Variants in SLC3A1 observed in about 807,000 individuals in gnomAD.
SLC3A1 encodes the protein solute carrier family 3 member 1.
Under a neutral mutation model 60.3 loss-of-function variants are expected in SLC3A1, and 78 were observed. The observed-to-expected ratio is 1.29, with a 90% CI of 1.08 to 1.56. SLC3A1 has a LOEUF of 1.56. Ranked by LOEUF, SLC3A1 falls within the 40% of genes most tolerant of loss-of-function variation. SLC3A1 has a pLI of 0.00. For synonymous variants in SLC3A1, 392 were observed against 307.9 expected (o/e 1.27, Z -2.86); for missense variants, 1,172 against 858.9 (o/e 1.36, Z -4.56).
chr2:44,281,456 G>T lies in SLC3A1; in HGVS notation c.680G>T (p.Arg227Leu). The change falls in exon 3 of 10, where the codon CGG (arginine) becomes CTG (leucine). Residue 227 changes from arginine (R) to leucine (L), a missense_variant. By Grantham distance (102) the Arg-to-Leu change is moderately radical. Coordinates refer to ENST00000260649, the MANE Select transcript of SLC3A1 (RefSeq NM_000341.4). ...SDKHIWFQLS[R>L]TRTGKYTDYY... is the part of the protein sequence containing the mutation. ...AAACATATTTGGTTTCAATTGAGTC[G>T]GACACGGACAGGAAAATATACTGAT... 6.2e-6 allele frequency: 10 copies of T among 1,613,480 alleles called. No individual in the cohort carries two copies. Among genetic ancestry groups the T allele is most frequent in the Non-Finnish European group, 8.5e-6 (10 of 1,179,534 alleles).
chr2:44,295,211 C>G (rs1403049145), intron 4 of SLC3A1, among the ~76,000 whole-genome samples: 1 of 152,194 alleles, frequency 6.6e-6, no homozygotes, highest in African/African-American at 2.4e-5. Context: ...TGTTGACTTG[C>G]TTTCTTTTCA....
chr2:44,294,989 C>T (rs1176546338), intron 4 of SLC3A1, among the ~76,000 whole-genome samples: 1 of 152,068 alleles, frequency 6.6e-6, no homozygotes, highest in Admixed American at 6.6e-5. Flanking sequence ...AGTGATCCTC[C>T]CACCTCGGTC....
At chr2:44,306,475 T>C (rs1413702390) in intron 7 of SLC3A1, among the ~76,000 whole-genome samples, 1 of 152,082 alleles carries the variant, frequency 6.6e-6, no homozygotes, top group African/African-American at 2.4e-5. Context: ...AGCTTTAATT[T>C]GTTAAATGTA....
intron 7 of SLC3A1, among the ~76,000 whole-genome samples, chr2:44,307,919 C>G (rs1259538804): frequency 6.6e-6 from 1 of 152,108 alleles, no homozygotes; most frequent in Non-Finnish European, 1.5e-5. Flanking sequence ...TATTCCAGCA[C>G]CACATGCTAA....
At chr2:44,322,062 G>A (rs1322082070), downstream of SLC3A1, among the ~76,000 whole-genome samples, 1 of 152,122 alleles carries the variant, frequency 6.6e-6, no homozygotes, top group Non-Finnish European at 1.5e-5. Flanking sequence ...GAGGGGACAA[G>A]CAACAGAAGA....
intron 3 of SLC3A1, among the ~76,000 whole-genome samples, chr2:44,283,114 C>T (rs1385369523): frequency 6.6e-6 from 1 of 152,092 alleles, no homozygotes; most frequent in East Asian, 1.9e-4. Flanking sequence ...CTGGATCATC[C>T]CTCCCTCCTC....
chr2:44,286,575 C>CCTGTGACGGTGAGCTGTGCGGTGT (rs1417520516), intron 4 of SLC3A1, among the ~76,000 whole-genome samples: 1 of 30,782 alleles, frequency 3.2e-5, no homozygotes, highest in African/African-American at 9.9e-5. Flanking sequence ...CTGTGCGGTG[C>CCTGTGACGGTGAGCTGTGCGGTGT]CTGTGACGGT....
intron 1 of SLC3A1, among the ~76,000 whole-genome samples, chr2:44,278,429 C>T (rs1176959100): frequency 6.6e-6 from 1 of 151,752 alleles, no homozygotes; most frequent in Non-Finnish European, 1.5e-5. Context: ...GCCTGGGCGA[C>T]AGAGCGAGAC....
intron 3 of SLC3A1, among the ~76,000 whole-genome samples, chr2:44,284,544 A>G (rs1301146259): frequency 6.6e-6 from 1 of 152,140 alleles, no homozygotes; most frequent in Non-Finnish European, 1.5e-5. Flanking sequence ...GATATTGCCC[A>G]ACTTTGTAAT....
At position 44,308,877 on chromosome 2, in the gene SLC3A1, T is replaced by C. The variant is rs531979278; in HGVS notation, c.1333-3709T>C. On this transcript the variant is annotated intron_variant, in intron 7 of 9. Transcript: ENST00000260649. ...CCTCCCAAATAGCTGGGACTACAGG[T>C]GCCTGCCACCATGCCTGGCTAACTT... 3.0e-4 allele frequency among the ~76,000 whole-genome samples: 45 copies of C among 152,034 alleles called. 2 individuals carry two copies. The highest frequency in any genetic ancestry group is 1.1e-3 in the African/African-American group (45 of 41,478).
intron 4 of SLC3A1, among the ~76,000 whole-genome samples, chr2:44,288,918 C>G (rs571136594): frequency 1.7e-4 from 26 of 149,418 alleles, no homozygotes; most frequent in South Asian, 1.1e-3. Flanking sequence ...CACTGCAACC[C>G]CAGTCTCCCA....
intron 4 of SLC3A1, among the ~76,000 whole-genome samples, chr2:44,295,066 TC>T (rs1387507163): frequency 6.6e-6 from 1 of 152,070 alleles, no homozygotes; most frequent in Non-Finnish European, 1.5e-5. Context: ...TTCTCTATCA[TC>T]CCATGTAAGA....
chr2:44,285,555 C>A, intron 3 of SLC3A1: 1 of 408,528 alleles, frequency 2.4e-6, no homozygotes, highest in Non-Finnish European at 4.9e-6. Flanking sequence ...TTCTTGGAGA[C>A]TGGTAGAGAT....
At chr2:44,314,064 A>T in intron 9 of SLC3A1, 113 bp downstream of exon 9, 1 of 1,562,440 alleles carries the variant, frequency 6.4e-7, no homozygotes, top group Non-Finnish European at 8.7e-7. Flanking sequence ...TCTTTAAATC[A>T]ATCACAGACT....
chr2:44,307,567 T>TC (rs962504216), intron 7 of SLC3A1, among the ~76,000 whole-genome samples: 3 of 136,414 alleles, frequency 2.2e-5, no homozygotes, highest in African/African-American at 6.4e-5. Flanking sequence ...TCATTGCATT[T>TC]TTTTTTTTTT....
Position 44,275,743 on chromosome 2 carries a change from A to C in SLC3A1, c.208A>C (p.Lys70Gln). Residue 70 changes from lysine to glutamine, a missense_variant, in exon 1 of 10, where the codon AAG becomes CAG. Transcript: ENST00000260649. ...KGVQPYAGMP[K>Q]EVLFQFSGQA... Reference sequence around the variant, plus strand: ...CGTCCAGCCCTATGCGGGGATGCCCAAGGAGGTGCTGTTCCAGTTCTCTGG... The same window carrying C: ...CGTCCAGCCCTATGCGGGGATGCCCCAGGAGGTGCTGTTCCAGTTCTCTGG... 6.2e-7 allele frequency: 1 copy of C among 1,614,208 alleles called. No homozygotes were observed. Among genetic ancestry groups the C allele is most frequent in the Non-Finnish European group, 8.5e-7 (1 of 1,180,020 alleles).
downstream of SLC3A1, chr2:44,321,960 G>A (rs749368989): frequency 1.8e-4 from 270 of 1,497,030 alleles, no homozygotes; most frequent in Admixed American, 1.3e-4. Flanking sequence ...TTGGAAGATC[G>A]AGACCCATTC....
chr2:44,313,538 C>T (rs555333454), intron 8 of SLC3A1, among the ~76,000 whole-genome samples: 1 of 152,274 alleles, frequency 6.6e-6, no homozygotes, highest in Non-Finnish European at 1.5e-5. Context: ...GGCAATAGCA[C>T]ATTTTGAAAT....
intron 4 of SLC3A1, among the ~76,000 whole-genome samples, chr2:44,295,055 C>A (rs977517488): frequency 2.6e-5 from 4 of 152,068 alleles, no homozygotes; most frequent in Admixed American, 1.3e-4. Context: ...AAGAGGATGT[C>A]TTCTCTATCA....
Sources: allele counts gnomAD v4.1 joint callset (sites outside exome capture counted in the v4.1 genomes callset), GRCh38; gene constraint gnomAD v4.1.1; transcripts MANE v1.5; gene names NCBI Gene and HGNC (gene_info 2026-07-23, HGNC 2026-07-21).